Variants in AKAP12 observed in about 807,000 individuals in gnomAD.
The protein encoded by AKAP12 is A-kinase anchor protein 12.
AKAP12 carries 32 observed loss-of-function variants against 79.9 expected under a neutral mutation model. The observed-to-expected ratio is 0.40, with a 90% CI of 0.30 to 0.54. AKAP12 has a LOEUF of 0.54. Ranked by LOEUF, AKAP12 falls within the 20% of genes least tolerant of loss-of-function variation. The probability of loss-of-function intolerance (pLI) is 0.48; values close to 1 mark genes in which losing one functional copy is unlikely to be tolerated. For synonymous variants in AKAP12, 808 were observed against 857.0 expected, an observed-to-expected ratio of 0.94 and a Z score of 1.00; for missense variants, 2,074 against 2,177.0, an observed-to-expected ratio of 0.95 and a Z score of 0.94.
At chr6:151,337,286 C>T (rs534487871) in intron 3 of AKAP12, among the ~76,000 whole-genome samples, 1 of 151,478 alleles carries the variant, frequency 6.6e-6, no homozygotes, top group African/African-American at 2.4e-5. Context: ...GGGTAGATCA[C>T]CTGAGGTCAG....
intron 3 of AKAP12, chr6:151,323,592 C>A (rs1777453741): frequency 1.8e-6 from 1 of 551,922 alleles, no homozygotes; most frequent in South Asian, 8.0e-5. Context: ...TTAGCGTCTT[C>A]ATGAATGTCA....
At chr6:151,298,695 C>G (rs1776789856) in intron 2 of AKAP12, 1 of 151,718 alleles carries the variant, frequency 6.6e-6, no homozygotes, top group Admixed American at 6.6e-5. Context: ...ACTTGGGAGG[C>G]TGAGGCAGGA....
At chr6:151,329,981 T>C (rs1325656273) in intron 3 of AKAP12, among the ~76,000 whole-genome samples, 1 of 152,224 alleles carries the variant, frequency 6.6e-6, no homozygotes, top group Non-Finnish European at 1.5e-5. Context: ...CCCACATTCT[T>C]ACATGCCTGC....
chr6:151,338,220 T>C (rs541885807), intron 3 of AKAP12, among the ~76,000 whole-genome samples: 5 of 152,340 alleles, frequency 3.3e-5, no homozygotes, highest in African/African-American at 1.2e-4. Flanking sequence ...GCTTCTAATT[T>C]TGTCAGCTAA....
intron 3 of AKAP12, among the ~76,000 whole-genome samples, chr6:151,331,343 ATGT>A (rs1777660251): frequency 6.6e-6 from 1 of 152,108 alleles, no homozygotes. Context: ...TTTTTTTATA[ATGT>A]TGTAATTGAG....
At chr6:151,267,835 A>G (rs11963641) in intron 2 of AKAP12, among the ~76,000 whole-genome samples, 8,655 of 152,278 alleles carry the variant, frequency 0.057, 313 homozygotes, top group African/African-American at 0.094. Context: ...GAAAGGTTCC[A>G]TGGAAGGTGG....
rs1303327962 is a variant in AKAP12, at chr6:151,332,033, G to GTTGTTTTTGTTTTTTTTTTTTTTTT, written c.320-16676_320-16675insGTTTTTGTTTTTTTTTTTTTTTTTT. Among the ~76,000 whole-genome samples the GTTGTTTTTGTTTTTTTTTTTTTTTT allele has an allele frequency of 3.8e-5, 3 of 79,682 alleles. 1 individual carries two copies. Among genetic ancestry groups the GTTGTTTTTGTTTTTTTTTTTTTTTT allele is most frequent in the African/African-American group, 1.1e-4 (2 of 18,436 alleles). The allele number at this position is 79,682 out of a possible 152,430, so 52.3% of individuals were successfully genotyped here. ...GAGTAGCACGTCCAGTTCTGGGTCT[G>GTTGTTTTTGTTTTTTTTTTTTTTTT]TTTTTTTTTTTTTTTTTTTTTGAGA... On this transcript the variant is annotated intron_variant, in intron 3 of 4. Transcript: ENST00000402676.
chr6:151,275,597 A>T (rs1403782929), intron 2 of AKAP12, among the ~76,000 whole-genome samples: 1 of 152,210 alleles, frequency 6.6e-6, no homozygotes, highest in Non-Finnish European at 1.5e-5. Flanking sequence ...AATCATTGAC[A>T]GTCTTTTTTT....
intron 3 of AKAP12, chr6:151,343,995 A>ATG (rs1562749323): frequency 2.3e-6 from 1 of 433,252 alleles, no homozygotes; most frequent in South Asian, 1.7e-5. Context: ...TAAATCGTCG[A>ATG]TGTCTGGACT....
At position 151,350,619 on chromosome 6, in the gene AKAP12, C is replaced by A. The variant is rs769845477; in HGVS notation, c.2228C>A (p.Ser743Tyr). 1.9e-6 allele frequency: 3 copies of A among 1,613,898 alleles called. No individual in the cohort carries two copies. Among genetic ancestry groups the A allele is most frequent in the African/African-American group, 1.3e-5 (1 of 74,876 alleles). ...CATGATCCAGGGCAGGGAAGTTCCTCCCCGGAGCAAGCTGGAAGCCCTACC... is the reference window on the plus strand; with the variant it reads ...CATGATCCAGGGCAGGGAAGTTCCTACCCGGAGCAAGCTGGAAGCCCTACC... ...QEHDPGQGSS[S>Y]PEQAGSPTEG... Residue 743 changes from serine (S) to tyrosine (Y), a missense_variant, in exon 4 of 5, where the codon TCC (serine) becomes TAC (tyrosine). Around this residue, in one of 3 missense-constraint regions of AKAP12, gnomAD observed 1,428 missense variants for 1,451.0 expected, o/e 0.98. Coordinates refer to ENST00000402676, the MANE Select transcript of AKAP12 (RefSeq NM_005100.4). This position sits in a 1 kb window ranked among gnomAD's most constrained non-coding sequence, Gnocchi z 4.8.
rs1277238662 is a variant in AKAP12 at position 151,350,325 on chromosome 6, C to G, written c.1934C>G (p.Ser645Cys). 3.7e-6 allele frequency: 6 copies of G among 1,613,538 alleles called. No individual in the cohort carries two copies. Among genetic ancestry groups the G allele is most frequent in the African/African-American group, 1.3e-5 (1 of 74,810 alleles). ...LDKVKSATLS[S>C]TESTASEMQE... Reference sequence around the variant, plus strand: ...AAGGTCAAGAGCGCTACCTTGTCTTCCACCGAGAGCACAGCCTCTGAAATG... The same window carrying G: ...AAGGTCAAGAGCGCTACCTTGTCTTGCACCGAGAGCACAGCCTCTGAAATG... The change falls in exon 4 of 5, where the codon TCC becomes TGC. Residue 645 changes from serine (S) to cysteine (C), a missense_variant. Coordinates refer to ENST00000402676, the MANE Select transcript of AKAP12 (RefSeq NM_005100.4). This position sits in a 1 kb window ranked among gnomAD's most constrained non-coding sequence, Gnocchi z 4.8.
At position 151,349,848 on chromosome 6, in the gene AKAP12, AGAAGGTGCTGTCCAAACCCCCC is replaced by A; in HGVS notation, c.1463_1484del (p.Val488AlafsTer3). 1 of 1,614,172 alleles carries A rather than the reference AGAAGGTGCTGTCCAAACCCCCC, an allele frequency of 6.2e-7. No individual in the cohort carries two copies. On this transcript the variant is annotated frameshift_variant, in exon 4 of 5. Coordinates refer to ENST00000402676, the MANE Select transcript of AKAP12 (RefSeq NM_005100.4). LOFTEE classifies it high-confidence loss of function. ...CAGGGAGCTGACCTCAGTCCTGATG[AGAAGGTGCTGTCCAAACCCCCC>A]GAAGGCGTTGTGAGTGAGGTGGAAA...
intron 2 of AKAP12, among the ~76,000 whole-genome samples, chr6:151,243,478 A>G (rs925216730): frequency 2.0e-5 from 3 of 152,202 alleles, no homozygotes; most frequent in African/African-American, 4.8e-5. Context: ...TTGAATTATC[A>G]CTTGTATTAG....
intron 3 of AKAP12, chr6:151,325,799 G>A (rs931985729): frequency 5.0e-6 from 8 of 1,613,216 alleles, no homozygotes; most frequent in African/African-American, 2.7e-5. Flanking sequence ...GAGACTAGGC[G>A]TCTGCCGGGG....
chr6:151,330,787 C>T (rs1488678758), intron 3 of AKAP12, among the ~76,000 whole-genome samples: 5 of 151,624 alleles, frequency 3.3e-5, no homozygotes, highest in Admixed American at 6.6e-5. Flanking sequence ...ATCTCTTAAT[C>T]GCTAAGTATT....
chr6:151,301,875 T>A (rs1198263903), intron 2 of AKAP12, among the ~76,000 whole-genome samples: 3 of 152,214 alleles, frequency 2.0e-5, no homozygotes, highest in Non-Finnish European at 4.4e-5. Context: ...TACCCTGTGG[T>A]TACTGAAAAT....
chr6:151,311,462 C>T (rs577901399), intron 3 of AKAP12, among the ~76,000 whole-genome samples: 4 of 152,318 alleles, frequency 2.6e-5, no homozygotes, highest in South Asian at 2.1e-4. Flanking sequence ...ATAGAGGCGG[C>T]TCCCGGTGTG....
intron 4 of AKAP12, among the ~76,000 whole-genome samples, chr6:151,354,038 G>A (rs992415911): frequency 6.6e-6 from 1 of 151,984 alleles, no homozygotes; most frequent in East Asian, 1.9e-4. Context: ...ACATGTGCGT[G>A]TTTGACCCAA....
rs140858206 is a variant in AKAP12 at position 151,353,110 on chromosome 6, G to A, written c.4719G>A (p.Thr1573=). ...AAGAAACAGCCACCGAAATGTTGACGTCTGAGTTACAGACACAAGCTCACG... is the reference window on the plus strand; with the variant it reads ...AAGAAACAGCCACCGAAATGTTGACATCTGAGTTACAGACACAAGCTCACG... ...RTEETATEML[T]SELQTQAHVI... Residue 1573 remains threonine (T), a synonymous_variant, in exon 4 of 5, where the codon ACG becomes ACA. Coordinates refer to ENST00000402676, the MANE Select transcript of AKAP12 (RefSeq NM_005100.4). 1.2e-5 allele frequency: 19 copies of A among 1,614,188 alleles called. No individual in the cohort carries two copies. Among genetic ancestry groups the A allele is most frequent in the Non-Finnish European group, 1.5e-5 (18 of 1,180,032 alleles).
Sources: allele counts gnomAD v4.1 joint callset (sites outside exome capture counted in the v4.1 genomes callset), GRCh38; gene constraint gnomAD v4.1.1; regional missense constraint gnomAD v4.1.1; non-coding constraint Gnocchi (gnomAD v3.1); transcripts MANE v1.5; gene names NCBI Gene and HGNC (gene_info 2026-07-23, HGNC 2026-07-21).